The following ADAM10 variants were observed in gnomAD, a reference collection of about 807,000 sequenced individuals.
ADAM10 encodes ADAM metallopeptidase domain 10.
A neutral mutation model predicts 90.1 loss-of-function variants in ADAM10; 17 were observed. The observed-to-expected ratio is 0.19, with a 90% CI of 0.13 to 0.28. ADAM10 has a LOEUF of 0.28. Among genes scored for constraint, ADAM10 ranks in the 10% least tolerant of loss-of-function variants. ADAM10 has a pLI of 1.00. For synonymous variants in ADAM10, 310 were observed against 298.6 expected (o/e 1.04, Z -0.40); for missense variants, 610 against 914.3 (o/e 0.67, Z 4.29).
rs547120326 is a variant in ADAM10, at chr15:58,638,876, G to A, written c.1012+1901C>T. ...CAAAACTGTCAGGGGAGGGAGGAAGGAGATTTGAGAATACCTAATCTGTTC... is the reference window on the plus strand; with the variant it reads ...CAAAACTGTCAGGGGAGGGAGGAAGAAGATTTGAGAATACCTAATCTGTTC... On this transcript the variant is annotated intron_variant, in intron 8 of 15. Coordinates refer to ENST00000260408, the MANE Select transcript of ADAM10 (RefSeq NM_001110.4). 1.6e-3 allele frequency among the ~76,000 whole-genome samples: 246 copies of A among 152,218 alleles called. 2 individuals are homozygous for A. Among genetic ancestry groups the A allele is most frequent in the Non-Finnish European group, 3.2e-4 (22 of 68,020 alleles).
chr15:58,733,753 G>A (rs1899334390), intron 1 of ADAM10, among the ~76,000 whole-genome samples: 1 of 151,670 alleles, frequency 6.6e-6, no homozygotes, highest in African/African-American at 2.4e-5. Context: ...GTTCTGCTTT[G>A]CATATTTAAA....
chr15:58,633,402 C>G (rs766549136), intron 8 of ADAM10, 43 bp from the exon 9 acceptor site: 1 of 1,549,580 alleles, frequency 6.5e-7, no homozygotes, highest in Admixed American at 1.7e-5. Flanking sequence ...ATCTGTTTCC[C>G]CTTACCCCCA....
chr15:58,749,403 C>A, intron 1 of ADAM10, 77 bp downstream of exon 1: 5 of 1,325,970 alleles, frequency 3.8e-6, no homozygotes, highest in South Asian at 4.3e-5. Flanking sequence ...CGCCGCGAGG[C>A]GCGACTGGGC....
In ADAM10 at chr15:58,610,384, T is replaced by A. The variant is rs1378998375; in HGVS notation, c.1938A>T (p.Arg646Ser). The A allele has an allele frequency of 6.2e-7, 1 of 1,614,184 alleles. No homozygotes were observed. The highest frequency in any genetic ancestry group is 1.3e-5 in the African/African-American group (1 of 75,046). The change falls in exon 14 of 16, where the codon AGA becomes AGT. Residue 646 changes from arginine (R) to serine (S), a missense_variant. Arg to Ser is a moderately radical substitution (Grantham distance 110, BLOSUM62 -1). Around this residue, in one of 4 missense-constraint regions of ADAM10, gnomAD observed 150 missense variants for 268.5 expected, o/e 0.56. Coordinates refer to ENST00000260408, the MANE Select transcript of ADAM10 (RefSeq NM_001110.4). ...CTAGAGGACCATCAGCATCTACTAA[T>A]CTGCACCGCATGAAAACATCACAGT... is the stretch of plus-strand genomic sequence containing the variant. ...RGYCDVFMRC[R>S]LVDADGPLAR...
chr15:58,615,056 C>G (rs1290535783), intron 11 of ADAM10, among the ~76,000 whole-genome samples: 1 of 152,054 alleles, frequency 6.6e-6, no homozygotes, highest in Non-Finnish European at 1.5e-5. Flanking sequence ...AGGCAGATCA[C>G]GAGGTCAGGA....
chr15:58,700,148 GT>G (rs1375506572), intron 2 of ADAM10, among the ~76,000 whole-genome samples: 1 of 152,110 alleles, frequency 6.6e-6, no homozygotes, highest in Non-Finnish European at 1.5e-5. Flanking sequence ...ATAATAGTTG[GT>G]AGACTTCAAC....
Position 58,642,013 on chromosome 15 carries a change from A to T in ADAM10, c.829-1053T>A, listed in dbSNP as rs867586517. The stretch of plus-strand genomic sequence containing the variant: ...GGTTTATCTATTAACAATTAACGAA[A>T]AACAATCAGTTACGGCCATTTAACA... On this transcript the variant is annotated intron_variant, in intron 7 of 15. Coordinates refer to ENST00000260408, the MANE Select transcript of ADAM10 (RefSeq NM_001110.4). Among the ~76,000 whole-genome samples, 8 of 152,336 alleles carry T rather than the reference A, an allele frequency of 5.3e-5. No homozygotes were observed. The South Asian group carries it at 1.7e-3, about 32-fold the overall frequency.
chr15:58,682,747 C>A (rs1402544848), intron 2 of ADAM10, among the ~76,000 whole-genome samples: 1 of 152,098 alleles, frequency 6.6e-6, no homozygotes, highest in Non-Finnish European at 1.5e-5. Context: ...AAGAAAGCAG[C>A]ATCTATATGG....
intron 5 of ADAM10, among the ~76,000 whole-genome samples, chr15:58,648,837 T>C (rs1896617755): frequency 6.6e-6 from 1 of 152,154 alleles, no homozygotes; most frequent in Non-Finnish European, 1.5e-5. Flanking sequence ...ATATCTATTT[T>C]AGTAATGCTT....
intron 1 of ADAM10, chr15:58,749,135 G>A (rs1366356411): frequency 2.0e-5 from 8 of 398,278 alleles, no homozygotes; most frequent in Non-Finnish European, 3.1e-5. Context: ...GAGCAGACTG[G>A]AGGGATGCAG....
chr15:58,653,067 G>A (rs550787618), intron 5 of ADAM10, among the ~76,000 whole-genome samples: 16 of 152,248 alleles, frequency 1.1e-4, no homozygotes, highest in African/African-American at 3.4e-4. Context: ...CGTTGATTTT[G>A]TATCCTGCAA....
At chr15:58,747,271 AT>A (rs1899823200) in intron 1 of ADAM10, 2 of 152,382 alleles carry the variant, frequency 1.3e-5, no homozygotes, top group South Asian at 4.1e-4. Context: ...AAACACTTTA[AT>A]TATTCCTTCC....
intron 8 of ADAM10, 94 bp from the exon 9 acceptor site, chr15:58,633,453 T>C (rs1240114869): frequency 1.8e-6 from 2 of 1,120,476 alleles, no homozygotes; most frequent in African/African-American, 3.2e-5. Flanking sequence ...ACATTTTATA[T>C]TTTAATCTAA....
chr15:58,680,513 A>G (rs1434726304), intron 3 of ADAM10, among the ~76,000 whole-genome samples: 1 of 152,242 alleles, frequency 6.6e-6, no homozygotes, highest in East Asian at 1.9e-4. Context: ...GATATTGGAC[A>G]AAGATTTGTA....
intron 1 of ADAM10, among the ~76,000 whole-genome samples, chr15:58,742,320 T>C (rs1161176883): frequency 2.0e-5 from 3 of 152,200 alleles, no homozygotes; most frequent in Non-Finnish European, 2.9e-5. Context: ...TAACCCCACA[T>C]TAAGTGGAGG....
At chr15:58,727,396 G>A (rs1158901251) in intron 1 of ADAM10, among the ~76,000 whole-genome samples, 1 of 151,938 alleles carries the variant, frequency 6.6e-6, no homozygotes, top group Non-Finnish European at 1.5e-5. Context: ...TTGCCATGTT[G>A]GCCAGGTTGG....
intron 11 of ADAM10, among the ~76,000 whole-genome samples, chr15:58,619,969 C>CA (rs1302093945): frequency 1.5e-3 from 217 of 148,162 alleles, no homozygotes; most frequent in Non-Finnish European, 2.8e-3. Context: ...AAGTGTGCGA[C>CA]TTTTTTTTTT....
intron 5 of ADAM10, 75 bp downstream of exon 5, chr15:58,665,020 CAT>C: frequency 8.7e-7 from 1 of 1,148,890 alleles, no homozygotes; most frequent in Non-Finnish European, 1.3e-6. Context: ...AATCCTAGAA[CAT>C]ATATTTTAAA....
rs1283727810 is a variant in ADAM10, at chr15:58,726,629, A to G, written c.56-8902T>C. 2.1e-5 allele frequency among the ~76,000 whole-genome samples: 3 copies of G among 144,992 alleles called. No homozygotes were observed. In the East Asian group the frequency reaches 6.2e-4, roughly 30 times the overall value. On this transcript the variant is annotated intron_variant, in intron 1 of 15. Coordinates refer to ENST00000260408, the MANE Select transcript of ADAM10 (RefSeq NM_001110.4). ...CCGAAAAATGCAAGAAAAGAGGGGG[A>G]CAAGAACTATGAACAGATGGAAAAC... is the stretch of plus-strand genomic sequence containing the variant.
Sources: gnomAD v4.1 joint callset for allele counts (sites outside exome capture counted in the v4.1 genomes callset) on GRCh38, gnomAD v4.1.1 for gene constraint, gnomAD v4.1.1 regional missense constraint, MANE v1.5 for transcripts, NCBI Gene and HGNC (gene_info 2026-07-23, HGNC 2026-07-21) for gene names.